The following METTL16 variants were observed in gnomAD, a reference collection of about 807,000 sequenced individuals.
The protein encoded by METTL16 is RNA N(6)-adenosine-methyltransferase METTL16.
A neutral mutation model predicts 57.9 loss-of-function variants in METTL16; 19 were observed. The ratio of observed to expected loss-of-function variants is 0.33; its 90% CI spans 0.23 to 0.48. The LOEUF (loss-of-function observed/expected upper bound fraction) is 0.48, where lower values mean the gene tolerates loss of function less well. Ranked by LOEUF, METTL16 falls within the 20% of genes least tolerant of loss-of-function variation. The pLI is 0.99. For missense variants in METTL16, 434 were observed against 691.5 expected (o/e 0.63, Z 4.18); for synonymous variants, 246 against 255.6 (o/e 0.96, Z 0.36).
chr17:2,423,638 C>T (rs1035400844), intron 8 of METTL16, among the ~76,000 whole-genome samples: 1 of 152,022 alleles, frequency 6.6e-6, no homozygotes, highest in African/African-American at 2.4e-5. Flanking sequence ...GCAACCTGGC[C>T]CTCCCTGCCA....
intron 3 of METTL16, among the ~76,000 whole-genome samples, chr17:2,475,065 T>C (rs1597461404): frequency 6.6e-6 from 1 of 152,186 alleles, no homozygotes; most frequent in East Asian, 1.9e-4. Flanking sequence ...ATCCCAATTC[T>C]GGTCTAGCCT....
intron 2 of METTL16, among the ~76,000 whole-genome samples, chr17:2,497,412 A>G (rs1472140283): frequency 7.0e-6 from 1 of 143,090 alleles, no homozygotes; most frequent in East Asian, 2.0e-4. Context: ...TCTCAAGCTC[A>G]AGCGATTCTC....
At chr17:2,459,453 G>C (rs1024503933) in intron 6 of METTL16, among the ~76,000 whole-genome samples, 2 of 152,328 alleles carry the variant, frequency 1.3e-5, no homozygotes, top group Middle Eastern at 6.8e-3. Context: ...GGGAGGCGAG[G>C]CATCACAAGC....
chr17:2,501,129 G>A (rs1242478805), intron 2 of METTL16, among the ~76,000 whole-genome samples: 1 of 152,020 alleles, frequency 6.6e-6, no homozygotes, highest in Non-Finnish European at 1.5e-5. Context: ...ATAAAATAAA[G>A]TAAAAATAAA....
intron 5 of METTL16, among the ~76,000 whole-genome samples, chr17:2,466,857 C>A (rs1460092909): frequency 6.6e-6 from 1 of 151,466 alleles, no homozygotes; most frequent in Non-Finnish European, 1.5e-5. Context: ...GGCTGGAGTG[C>A]AGTAACACGA....
At chr17:2,499,383 G>A (rs1193226634) in intron 2 of METTL16, among the ~76,000 whole-genome samples, 1 of 146,858 alleles carries the variant, frequency 6.8e-6, no homozygotes, top group Non-Finnish European at 1.5e-5. Context: ...TGCCCAGGCT[G>A]GATTCAGACT....
At chr17:2,443,750 C>A (rs1005611025) in intron 6 of METTL16, among the ~76,000 whole-genome samples, 1 of 152,160 alleles carries the variant, frequency 6.6e-6, no homozygotes, top group African/African-American at 2.4e-5. Context: ...CCGTCCACCT[C>A]GGCCTCCCGA....
At chr17:2,453,774 A>G (rs948551342) in intron 6 of METTL16, among the ~76,000 whole-genome samples, 1 of 152,202 alleles carries the variant, frequency 6.6e-6, no homozygotes, top group Non-Finnish European at 1.5e-5. Context: ...TTAGGTTAAA[A>G]CTGTATGAAA....
chr17:2,472,251 G>A (rs2067240426), intron 4 of METTL16, among the ~76,000 whole-genome samples: 1 of 151,950 alleles, frequency 6.6e-6, no homozygotes, highest in South Asian at 2.1e-4. Context: ...ACCACTACAC[G>A]CCTATTAGAA....
At position 2,451,755 on chromosome 17, in the gene METTL16, G is replaced by T. The variant is rs371988725; in HGVS notation, c.729-10196C>A. ...AGCAATTAGTGCTGACACAGTAACA[G>T]CATAAAACAGGTTAACAGTTTCCTT... On this transcript the variant is annotated intron_variant, in intron 6 of 9. Coordinates refer to ENST00000263092, the MANE Select transcript of METTL16 (RefSeq NM_024086.4). 3.3e-5 allele frequency among the ~76,000 whole-genome samples: 5 copies of T among 152,092 alleles called. No homozygotes were observed. The South Asian group carries it at 1.0e-3, about 32-fold the overall frequency.
chr17:2,500,414 G>C (rs1328129102), intron 2 of METTL16, among the ~76,000 whole-genome samples: 1 of 152,018 alleles, frequency 6.6e-6, no homozygotes, highest in East Asian at 1.9e-4. Context: ...CGGAGTAGCT[G>C]GGATTACAGG....
At chr17:2,454,756 G>A (rs1420132763) in intron 6 of METTL16, among the ~76,000 whole-genome samples, 1 of 151,076 alleles carries the variant, frequency 6.6e-6, no homozygotes, top group Non-Finnish European at 1.5e-5. Context: ...TAGAGACAGG[G>A]TTTCATCATG....
chr17:2,503,113 C>A (rs2067501869), intron 1 of METTL16, among the ~76,000 whole-genome samples: 1 of 152,074 alleles, frequency 6.6e-6, no homozygotes, highest in Non-Finnish European at 1.5e-5. Context: ...CCCAAAAGAA[C>A]TGAAAGGAGG....
Position 2,487,427 on chromosome 17 carries a change from G to T in METTL16, c.129-9542C>A, listed in dbSNP as rs189585649. On this transcript the variant is annotated intron_variant, in intron 2 of 9. Transcript: ENST00000263092. ...GAAAGAGAGCTGCGGCGCAAGCTTT[G>T]AAAACTCCTTTAATAGCTGTATGCA... 1.6e-3 allele frequency among the ~76,000 whole-genome samples: 243 copies of T among 152,334 alleles called. 1 individual carries two copies. The highest frequency in any genetic ancestry group is 5.6e-3 in the African/African-American group (231 of 41,576).
intron 8 of METTL16, among the ~76,000 whole-genome samples, chr17:2,436,394 T>C (rs558682428): frequency 1.3e-5 from 2 of 152,300 alleles, no homozygotes; most frequent in South Asian, 2.1e-4. Context: ...GCAGCACTTC[T>C]AGCTGCAGAG....
Position 2,419,714 on chromosome 17 carries a change from C to T in METTL16, c.*256G>A, listed in dbSNP as rs1006517250. On this transcript the variant is annotated 3_prime_UTR_variant, in exon 10 of 10. Transcript: ENST00000263092. Reference sequence around the variant, plus strand: ...CAGCTTGAGCCAGCTTGCAATCCCTCGGGAGTTTACTGAGGGCTTTCTGTT... The same window carrying T: ...CAGCTTGAGCCAGCTTGCAATCCCTTGGGAGTTTACTGAGGGCTTTCTGTT... The T allele has an allele frequency of 1.3e-4, 84 of 648,196 alleles. No homozygotes were observed. The highest frequency in any genetic ancestry group is 1.0e-3 in the African/African-American group (56 of 56,230). 40.2% of individuals were successfully genotyped at this position (648,196 alleles called of 1,614,324 possible).
chr17:2,496,963 C>T lies in METTL16; in HGVS notation c.128+5241G>A, dbSNP rs538238251. Among the ~76,000 whole-genome samples, 89 of 151,776 alleles carry T rather than the reference C, an allele frequency of 5.9e-4. 6 individuals carry two copies. The highest frequency in any genetic ancestry group is 2.0e-3 in the African/African-American group (81 of 41,088). ...TTTCTGTTCTTCATAAATTACCAGT[C>T]TCATGCCACTTATGTATGGCATATC... On this transcript the variant is annotated intron_variant, in intron 2 of 9. Coordinates refer to ENST00000263092, the MANE Select transcript of METTL16 (RefSeq NM_024086.4).
intron 4 of METTL16, among the ~76,000 whole-genome samples, chr17:2,470,099 C>T (rs1296803448): frequency 6.6e-6 from 1 of 152,086 alleles, no homozygotes; most frequent in African/African-American, 2.4e-5. Flanking sequence ...GACACTTTAT[C>T]GAATATATGT....
chr17:2,469,011 G>A (rs1181505607), intron 4 of METTL16, among the ~76,000 whole-genome samples: 1 of 151,522 alleles, frequency 6.6e-6, no homozygotes, highest in South Asian at 2.1e-4. Context: ...GAGGCAGGTG[G>A]ATCACTTGAG....
Sources: allele counts gnomAD v4.1 joint callset (sites outside exome capture counted in the v4.1 genomes callset), GRCh38; gene constraint gnomAD v4.1.1; transcripts MANE v1.5; gene names NCBI Gene and HGNC (gene_info 2026-07-23, HGNC 2026-07-21).